The following MED14 variants were observed in gnomAD, a reference collection of about 807,000 sequenced individuals.
The protein encoded by MED14 is mediator complex subunit 14.
A neutral mutation model predicts 109.0 loss-of-function variants in MED14; 8 were observed. That is an observed-to-expected ratio of 0.07 (90% CI 0.04 to 0.13). The LOEUF (loss-of-function observed/expected upper bound fraction) is 0.13, where lower values mean the gene tolerates loss of function less well. Among genes scored for constraint, MED14 ranks in the 10% least tolerant of loss-of-function variants. MED14 has a pLI of 1.00. For missense variants in MED14, 711 were observed against 1,142.4 expected, an observed-to-expected ratio of 0.62 and a Z score of 5.44; for synonymous variants, 399 against 408.7, an observed-to-expected ratio of 0.98 and a Z score of 0.29.
rs1569295765 is a variant in MED14, at chrX:40,713,907, C to T, written c.523G>A (p.Asp175Asn). ...SYPRLPTCIRDKIIPPDPITK... is the reference protein window; with the variant it reads ...SYPRLPTCIRNKIIPPDPITK... Reference sequence around the variant, plus strand: ...ATTGGGTCTGGAGGAATAATTTTGTCCTGCAAAAAAATTTAAGTGATTTTT... The same window carrying T: ...ATTGGGTCTGGAGGAATAATTTTGTTCTGCAAAAAAATTTAAGTGATTTTT... Residue 175 changes from aspartate to asparagine, a missense_variant and splice_region_variant, in exon 5 of 31, where the codon GAC (aspartate) becomes AAC (asparagine). By Grantham distance (23) the Asp-to-Asn change is conservative. Transcript: ENST00000324817. 2 of 1,195,786 alleles carry T rather than the reference C, an allele frequency of 1.7e-6. No homozygotes were observed. The highest frequency in any genetic ancestry group is 2.3e-6 in the Non-Finnish European group (2 of 888,885).
chrX:40,715,351 G>A (rs1452454387), intron 3 of MED14, among the ~76,000 whole-genome samples: 4 of 111,417 alleles, frequency 3.6e-5, no homozygotes, highest in Non-Finnish European at 5.6e-5. Context: ...GGGAAAACTC[G>A]ATAACCATCA....
chrX:40,735,547 C>T, upstream of MED14: 5 of 650,995 alleles, frequency 7.7e-6, no homozygotes, highest in Non-Finnish European at 1.2e-5. Context: ...GAACAGGAAG[C>T]CGTGCGCCGA....
At chrX:40,684,931 T>C (rs111746206) in intron 16 of MED14, among the ~76,000 whole-genome samples, 2,840 of 111,574 alleles carry the variant, frequency 0.025, 84 homozygotes, top group African/African-American at 0.086. Flanking sequence ...TTACTTGCTT[T>C]TAAGGTTATG....
In MED14 at chrX:40,676,120, C is replaced by CA. The variant is rs1265755187; in HGVS notation, c.2881-760dup. Among the ~76,000 whole-genome samples, 17 of 111,412 alleles carry CA rather than the reference C, an allele frequency of 1.5e-4. No individual in the cohort carries two copies. In the Admixed American group the frequency reaches 1.6e-3, roughly 11 times the overall value. On this transcript the variant is annotated intron_variant, in intron 21 of 30. Transcript: ENST00000324817. ...CAATAATGGCAAAACCTCATCTCTA[C>CA]AAAAAATAGAAAAATCAGCCAGGCA...
At position 40,651,813 on chromosome X, in the gene MED14, C is replaced by T. The variant is rs756934224; in HGVS notation, c.4358G>A (p.Arg1453His). The stretch of plus-strand genomic sequence containing the variant: ...GTTTAAAAACAATAGTGTCTATGGA[C>T]GCCCACCAGGGGGCAGTGTAAGATT... ...MANLTLPPGG[R>H]P The change falls in exon 31 of 31, where the codon CGT becomes CAT. Residue 1453 changes from arginine to histidine, a missense_variant. This residue lies in a region of MED14 where 41 missense variants were observed against 66.9 expected (regional missense o/e 0.61). Coordinates refer to ENST00000324817, the MANE Select transcript of MED14 (RefSeq NM_004229.4). 2 of 1,190,732 alleles carry T rather than the reference C, an allele frequency of 1.7e-6. No individual in the cohort carries two copies. The highest frequency in any genetic ancestry group is 3.1e-5 in the East Asian group (1 of 32,766).
In MED14 at chrX:40,654,917, A is replaced by G; in HGVS notation, c.4098+18T>C. The G allele has an allele frequency of 8.3e-7, 1 of 1,203,274 alleles. No homozygotes were observed. Among genetic ancestry groups the G allele is most frequent in the East Asian group, 3.0e-5 (1 of 33,445 alleles). ...CCTCAGAAGCTCTGTACATGCACAC[A>G]TGCTGGGTGGTACTTACAAAAAATA... is the stretch of plus-strand genomic sequence containing the variant. On this transcript the variant is annotated intron_variant, in intron 29 of 30. Coordinates refer to ENST00000324817, the MANE Select transcript of MED14 (RefSeq NM_004229.4).
At chrX:40,692,565 T>C (rs1930562015) in intron 14 of MED14, 143 bp downstream of exon 14, 1 of 578,099 alleles carries the variant, frequency 1.7e-6, no homozygotes, top group Non-Finnish European at 2.7e-6. Context: ...TTCAAGAAAA[T>C]GTAGACAATT....
At chrX:40,663,580 T>C (rs902830809) in intron 25 of MED14, among the ~76,000 whole-genome samples, 1 of 112,094 alleles carries the variant, frequency 8.9e-6, no homozygotes, top group Non-Finnish European at 1.9e-5. Context: ...GAGAGAAACC[T>C]TGCCATCTGA....
intron 23 of MED14, among the ~76,000 whole-genome samples, chrX:40,670,139 G>A (rs993679860): frequency 2.1e-4 from 23 of 112,012 alleles, no homozygotes; most frequent in African/African-American, 7.5e-4. Context: ...GACATGGTGG[G>A]GGTGGGATCT....
At chrX:40,669,382 C>T (rs1929637985) in intron 23 of MED14, among the ~76,000 whole-genome samples, 2 of 111,685 alleles carry the variant, frequency 1.8e-5, no homozygotes, top group South Asian at 7.5e-4. Flanking sequence ...CACTGGTATT[C>T]CTAGGGGTGG....
In MED14 at chrX:40,675,317, T is replaced by C. The variant is rs781055416; in HGVS notation, c.2925A>G (p.Arg975=). 4 of 1,195,941 alleles carry C rather than the reference T, an allele frequency of 3.3e-6. No individual in the cohort carries two copies. The highest frequency in any genetic ancestry group is 2.3e-6 in the Non-Finnish European group (2 of 888,286). ...GATTATCGTCCTCATTTACAGACCT[T>C]CTTCGAGCATCCTGATTGCTGTCAA... ...MFVDSNQDAR[R]RSVNEDDNPP... is the part of the protein sequence containing the mutation. The change falls in exon 22 of 31, where the codon AGA becomes AGG. Residue 975 remains arginine, a synonymous_variant. Transcript: ENST00000324817.
At position 40,666,842 on chromosome X, in the gene MED14, T is replaced by C. The variant is rs895686696; in HGVS notation, c.3143A>G (p.His1048Arg). The stretch of plus-strand genomic sequence containing the variant: ...AGCCCCACTGGGGGAGCTGGCAGCA[T>C]GCAGATTTCCTAATAAAGGAAAATA... The part of the protein sequence containing the change: ...MMHTQSPGNL[H>R]AASSPSGALR... Residue 1048 changes from histidine to arginine, a missense_variant, in exon 24 of 31, where the codon CAT (histidine) becomes CGT (arginine). Around this residue, in one of 8 missense-constraint regions of MED14, gnomAD observed 100 missense variants for 147.5 expected, o/e 0.68. Transcript: ENST00000324817. The C allele has an allele frequency of 3.4e-6, 4 of 1,169,502 alleles. No individual in the cohort carries two copies. The highest frequency in any genetic ancestry group is 1.8e-5 in the African/African-American group (1 of 56,312).
At chrX:40,688,181 T>G (rs1349887868) in intron 16 of MED14, among the ~76,000 whole-genome samples, 1 of 111,724 alleles carries the variant, frequency 9.0e-6, no homozygotes, top group African/African-American at 3.3e-5. Context: ...GCCAAGATCA[T>G]GCCACTGCAC....
intron 3 of MED14, among the ~76,000 whole-genome samples, chrX:40,725,226 C>T (rs1159553416): frequency 9.0e-6 from 1 of 111,631 alleles, no homozygotes; most frequent in Non-Finnish European, 1.9e-5. Context: ...CTTATGGCTT[C>T]ACTACTGAAT....
chrX:40,652,812 T>G (rs1485739260), intron 30 of MED14, among the ~76,000 whole-genome samples: 1 of 111,463 alleles, frequency 9.0e-6, no homozygotes, highest in Non-Finnish European at 1.9e-5. Context: ...GCTGGATCCC[T>G]TCCTCTACAG....
rs992739447 is a variant in MED14 at position 40,688,560 on chromosome X, G to A, written c.1981-30C>T. 15 of 1,063,006 alleles carry A rather than the reference G, an allele frequency of 1.4e-5. No homozygotes were observed. In the African/African-American group the frequency reaches 1.5e-4, roughly 10 times the overall value. The allele number at this position is 1,063,006 out of a possible 1,213,427, so 87.6% of individuals were successfully genotyped here. On this transcript the variant is annotated intron_variant, in intron 15 of 30. Coordinates refer to ENST00000324817, the MANE Select transcript of MED14 (RefSeq NM_004229.4). ...AAAGAGAAAAACAATTATATCAGAC[G>A]ACCAATTTTACAAAAACAACTACCA...
chrX:40,666,515 G>C (rs1929490684), intron 24 of MED14, among the ~76,000 whole-genome samples: 1 of 111,127 alleles, frequency 9.0e-6, no homozygotes, highest in Admixed American at 9.6e-5. Context: ...GAGACAGCAA[G>C]GGAGAGTCCA....
Position 40,710,633 on chromosome X carries a change from TGGTCTTTTCTAACCTAAC to T in MED14, c.1022+518_1023-505del, listed in dbSNP as rs748410072. On this transcript the variant is annotated intron_variant, in intron 8 of 30. Transcript: ENST00000324817. ...AATGATACCCAACAATCTAACCTAATGGTCTTTTCTAACCTAACGGTCTTTTAGCTATTTGGTATAAAC... is the reference window on the plus strand; with the variant it reads ...AATGATACCCAACAATCTAACCTAATGGTCTTTTAGCTATTTGGTATAAAC... Among the ~76,000 whole-genome samples, 538 of 112,538 alleles carry T rather than the reference TGGTCTTTTCTAACCTAAC, an allele frequency of 4.8e-3. 2 individuals are homozygous for T. Among genetic ancestry groups the T allele is most frequent in the Non-Finnish European group, 7.3e-3 (390 of 53,319 alleles).
In MED14 at chrX:40,651,543, T is replaced by G; in HGVS notation, c.*263A>C. On this transcript the variant is annotated 3_prime_UTR_variant, in exon 31 of 31. Transcript: ENST00000324817. ...CATAACTTTATAGTATAAAACAGAA[T>G]ATTAAATTTATTACTGGCAAACGGA... 1.1e-6 allele frequency: 1 copy of G among 869,985 alleles called. No individual in the cohort carries two copies. Among genetic ancestry groups the G allele is most frequent in the Non-Finnish European group, 1.4e-6 (1 of 706,471 alleles). 71.7% of individuals were successfully genotyped at this position (869,985 alleles called of 1,213,427 possible).
Sources: allele counts gnomAD v4.1 joint callset (sites outside exome capture counted in the v4.1 genomes callset), GRCh38; gene constraint gnomAD v4.1.1; regional missense constraint gnomAD v4.1.1; transcripts MANE v1.5; gene names NCBI Gene and HGNC (gene_info 2026-07-23, HGNC 2026-07-21).